PCDHGB4: variants seen among roughly 807,000 people sequenced by gnomAD.
PCDHGB4 encodes the protein protocadherin gamma-B4.
A neutral mutation model predicts 60.5 loss-of-function variants in PCDHGB4; 38 were observed. That is an observed-to-expected ratio of 0.63 (90% CI 0.48 to 0.82). The LOEUF (loss-of-function observed/expected upper bound fraction) is 0.82. PCDHGB4 is among the 40% of genes least tolerant of loss of function. The pLI, the probability that PCDHGB4 is intolerant of heterozygous loss-of-function variation, is 0.00. For missense variants in PCDHGB4, 1,109 were observed against 1,209.6 expected (o/e 0.92, Z 1.23); for synonymous variants, 456 against 509.7 (o/e 0.89, Z 1.42).
At chr5:141,398,223 G>C (rs995722310) in intron 1 of PCDHGB4, 1 of 1,482,728 alleles carries the variant, frequency 6.7e-7, no homozygotes, top group South Asian at 1.3e-5. Context: ...TCTGTGAGCA[G>C]ATCCGCTACA....
intron 1 of PCDHGB4, chr5:141,409,128 T>C (rs755394129): frequency 6.2e-6 from 10 of 1,613,976 alleles, no homozygotes; most frequent in South Asian, 1.1e-5. Flanking sequence ...TCATTTGATT[T>C]TGAAGATGTA....
intron 1 of PCDHGB4, among the ~76,000 whole-genome samples, chr5:141,446,448 T>C (rs954515926): frequency 2.6e-5 from 4 of 152,028 alleles, no homozygotes; most frequent in Non-Finnish European, 5.9e-5. Context: ...ACAGTGCAGA[T>C]ATTCAGTGTG....
At position 141,430,830 on chromosome 5, in the gene PCDHGB4, G is replaced by A. The variant is rs754181300; in HGVS notation, c.2397+40549G>A. The stretch of plus-strand genomic sequence containing the variant: ...CTGGGAATCCTCCTGGGGACTCTGT[G>A]GGAGACCGGATGCACCCAGATACGC... On this transcript the variant is annotated intron_variant, in intron 1 of 3. Coordinates refer to ENST00000519479, the MANE Select transcript of PCDHGB4 (RefSeq NM_003736.4). 8 of 1,554,850 alleles carry A rather than the reference G, an allele frequency of 5.1e-6. No homozygotes were observed. The East Asian group carries it at 1.6e-4, about 31-fold the overall frequency.
chr5:141,418,151 G>A (rs1276817622), intron 1 of PCDHGB4: 4 of 1,613,990 alleles, frequency 2.5e-6, no homozygotes, highest in East Asian at 4.5e-5. Context: ...AATATGCAAA[G>A]AGAGAAGAAG....
intron 1 of PCDHGB4, chr5:141,409,953 C>T: frequency 6.2e-7 from 1 of 1,613,398 alleles, no homozygotes; most frequent in Non-Finnish European, 8.5e-7. Context: ...TCTGCAGAGC[C>T]CGGCTACCTA....
chr5:141,400,453 C>T (rs1329103788), intron 1 of PCDHGB4: 1 of 1,614,056 alleles, frequency 6.2e-7, no homozygotes, highest in Admixed American at 1.7e-5. Context: ...ACAAGACATA[C>T]TTTGTGGTGA....
chr5:141,389,142 G>A lies in PCDHGB4; in HGVS notation c.1258G>A (p.Val420Ile), dbSNP rs72790030. Residue 420 changes from valine to isoleucine, a missense_variant, in exon 1 of 4, where the codon GTT becomes ATT. Val to Ile is a conservative substitution (Grantham distance 29). Transcript: ENST00000519479. ...GCAGAATCCAGAGTACAATATAACC[G>A]TTACGGCAACAGATCGGGGCAAGCC... ...REQNPEYNIT[V>I]TATDRGKPPL... 42,481 of 1,613,950 alleles carry A rather than the reference G, an allele frequency of 0.026. 745 individuals are homozygous for A. The highest frequency in any genetic ancestry group is 0.04 in the East Asian group (1,804 of 44,876).
intron 1 of PCDHGB4, among the ~76,000 whole-genome samples, chr5:141,455,913 T>C (rs2098837234): frequency 7.2e-6 from 1 of 138,032 alleles, no homozygotes; most frequent in African/African-American, 2.7e-5. Context: ...ATTTATTTAT[T>C]TTGAGACGGA....
chr5:141,452,884 A>C (rs746547069), intron 1 of PCDHGB4, among the ~76,000 whole-genome samples: 1 of 152,204 alleles, frequency 6.6e-6, no homozygotes, highest in Non-Finnish European at 1.5e-5. Flanking sequence ...GTAATAATTT[A>C]TTCCACTTTT....
intron 1 of PCDHGB4, chr5:141,403,457 A>G: frequency 6.2e-7 from 1 of 1,613,982 alleles, no homozygotes; most frequent in Non-Finnish European, 8.5e-7. Context: ...CTCCCTCCAG[A>G]GCTACCAGCT....
At chr5:141,408,884 A>G (rs755835568) in intron 1 of PCDHGB4, 2 of 1,613,384 alleles carry the variant, frequency 1.2e-6, no homozygotes, top group Non-Finnish European at 1.7e-6. Context: ...CACCGCTCAC[A>G]TAGAAATTTC....
Position 141,491,900 on chromosome 5 carries a change from G to A in PCDHGB4, c.2398-2907G>A, listed in dbSNP as rs1268804496. 7.0e-7 allele frequency: 1 copy of A among 1,429,818 alleles called. No individual in the cohort carries two copies. Among genetic ancestry groups the A allele is most frequent in the East Asian group, 2.5e-5 (1 of 39,444 alleles). The allele number at this position is 1,429,818 out of a possible 1,614,324, so 88.6% of individuals were successfully genotyped here. A position where few individuals can be genotyped will look rare whatever the true frequency, so the allele number is the denominator to read the frequency against. ...TAAGGGATGGGGCTCCGAGCACCGGGGGTGGTGGCGACTGTGGGCGAGGGG... is the reference window on the plus strand; with the variant it reads ...TAAGGGATGGGGCTCCGAGCACCGGAGGTGGTGGCGACTGTGGGCGAGGGG... On this transcript the variant is annotated intron_variant, in intron 1 of 3. Coordinates refer to ENST00000519479, the MANE Select transcript of PCDHGB4 (RefSeq NM_003736.4). This position sits in a 1 kb window ranked among gnomAD's most constrained non-coding sequence, Gnocchi z 6.9.
At chr5:141,418,050 G>T in intron 1 of PCDHGB4, 1 of 1,613,576 alleles carries the variant, frequency 6.2e-7, no homozygotes, top group Non-Finnish European at 8.5e-7. Context: ...GTGTCGGCTC[G>T]CGAGCTGCGA....
At chr5:141,479,953 CAGTT>C (rs1198160373) in intron 1 of PCDHGB4, among the ~76,000 whole-genome samples, 1 of 152,182 alleles carries the variant, frequency 6.6e-6, no homozygotes, top group African/African-American at 2.4e-5. Flanking sequence ...TTGGATTTGG[CAGTT>C]AGTCAAATGA....
Position 141,491,706 on chromosome 5 carries a change from G to T in PCDHGB4, c.2398-3101G>T. 6.2e-7 allele frequency: 1 copy of T among 1,611,088 alleles called. No individual in the cohort carries two copies. Among genetic ancestry groups the T allele is most frequent in the Non-Finnish European group, 8.5e-7 (1 of 1,178,772 alleles). On this transcript the variant is annotated intron_variant, in intron 1 of 3. Coordinates refer to ENST00000519479, the MANE Select transcript of PCDHGB4 (RefSeq NM_003736.4). The surrounding 1 kb of genome is among the most constrained non-coding windows in gnomAD (Gnocchi z 6.9). Reference sequence around the variant, plus strand: ...CGCTGCGGGAGCGGAGCCAGGTGAGGGGCTCGGCGCCGCCCCGGGCGACCC... The same window carrying T: ...CGCTGCGGGAGCGGAGCCAGGTGAGTGGCTCGGCGCCGCCCCGGGCGACCC...
chr5:141,421,557 C>T (rs764010392), intron 1 of PCDHGB4: 1 of 1,613,932 alleles, frequency 6.2e-7, no homozygotes, highest in South Asian at 1.1e-5. Context: ...TGGAACTTCT[C>T]GTGGAAGACA....
Position 141,490,809 on chromosome 5 carries a change from C to T in PCDHGB4, c.2398-3998C>T. On this transcript the variant is annotated intron_variant, in intron 1 of 3. Transcript: ENST00000519479. The surrounding 1 kb of genome is among the most constrained non-coding windows in gnomAD (Gnocchi z 5.4). Reference sequence around the variant, plus strand: ...GGATCTTTGCCCAGCGTACCTTTGACTATGAATTGCTGCAGATGCTGCAGA... The same window carrying T: ...GGATCTTTGCCCAGCGTACCTTTGATTATGAATTGCTGCAGATGCTGCAGA... 2 of 1,613,954 alleles carry T rather than the reference C, an allele frequency of 1.2e-6. No individual in the cohort carries two copies. Among genetic ancestry groups the T allele is most frequent in the South Asian group, 2.2e-5 (2 of 91,076 alleles).
In PCDHGB4 at chr5:141,485,368, G is replaced by T. The variant is rs2154580406; in HGVS notation, c.2398-9439G>T. On this transcript the variant is annotated intron_variant, in intron 1 of 3. Coordinates refer to ENST00000519479, the MANE Select transcript of PCDHGB4 (RefSeq NM_003736.4). This position sits in a 1 kb window ranked among gnomAD's most constrained non-coding sequence, Gnocchi z 5.7. Reference sequence around the variant, plus strand: ...ACAGTCTGTCAGCTCGCAGGCTGCAGGTCGCTGGAGAGGTGAACCAAAGAC... The same window carrying T: ...ACAGTCTGTCAGCTCGCAGGCTGCATGTCGCTGGAGAGGTGAACCAAAGAC... The T allele has an allele frequency of 6.2e-7, 1 of 1,614,144 alleles. No individual in the cohort carries two copies. The highest frequency in any genetic ancestry group is 2.2e-5 in the East Asian group (1 of 44,866).
intron 1 of PCDHGB4, chr5:141,426,675 C>T: frequency 2.3e-6 from 1 of 431,942 alleles, no homozygotes; most frequent in South Asian, 1.6e-5. Flanking sequence ...TAACCCACCT[C>T]ATTTTCCCCA....
Sources: gnomAD v4.1 joint callset for allele counts (sites outside exome capture counted in the v4.1 genomes callset) on GRCh38, gnomAD v4.1.1 for gene constraint, Gnocchi (gnomAD v3.1) non-coding constraint, MANE v1.5 for transcripts, NCBI Gene and HGNC (gene_info 2026-07-23, HGNC 2026-07-21) for gene names.